Variants in DNAH7 observed in about 807,000 individuals in gnomAD.
DNAH7 encodes dynein axonemal heavy chain 7.
A neutral mutation model predicts 444.6 loss-of-function variants in DNAH7; 397 were observed. That is an observed-to-expected ratio of 0.89 (90% confidence interval 0.82 to 0.97). DNAH7 has a LOEUF of 0.97. Ranked by LOEUF, DNAH7 falls within the 50% of genes least tolerant of loss-of-function variation. The pLI is 0.00. For synonymous variants in DNAH7, 1,636 were observed against 1,624.4 expected, an observed-to-expected ratio of 1.01 and a Z score of -0.17; for missense variants, 4,902 against 4,800.8, an observed-to-expected ratio of 1.02 and a Z score of -0.62.
At chr2:195,822,479 C>T (rs1697518773) in intron 49 of DNAH7, among the ~76,000 whole-genome samples, 1 of 152,164 alleles carries the variant, frequency 6.6e-6, no homozygotes, top group African/African-American at 2.4e-5. Flanking sequence ...GACACCATCC[C>T]TTGGGTGCTT....
chr2:195,941,946 A>T (rs558911432), intron 19 of DNAH7, among the ~76,000 whole-genome samples: 1 of 152,290 alleles, frequency 6.6e-6, no homozygotes, highest in African/African-American at 2.4e-5. Flanking sequence ...TTCAAGCATC[A>T]ATCTCAATTA....
intron 28 of DNAH7, among the ~76,000 whole-genome samples, chr2:195,898,674 C>G (rs1166364757): frequency 6.6e-6 from 1 of 152,198 alleles, no homozygotes. Context: ...GCAGGGGATG[C>G]TGCTGGCTGC....
intron 63 of DNAH7, among the ~76,000 whole-genome samples, chr2:195,750,610 AG>A (rs1286517704): frequency 1.3e-5 from 2 of 152,232 alleles, no homozygotes; most frequent in South Asian, 4.1e-4. Flanking sequence ...GCTAAGCATG[AG>A]AGCCAGATGG....
rs542339256 is a variant in DNAH7, at chr2:195,796,845, A to G, written c.10354-108T>C. Reference sequence around the variant, plus strand: ...CTATATTACAACTTAATTGGGTCACATGTCTCAAAAAGCCAAACACATGCA... The same window carrying G: ...CTATATTACAACTTAATTGGGTCACGTGTCTCAAAAAGCCAAACACATGCA... On this transcript the variant is annotated intron_variant, in intron 55 of 64. Coordinates refer to ENST00000312428, the MANE Select transcript of DNAH7 (RefSeq NM_018897.3). 8.0e-6 allele frequency: 10 copies of G among 1,245,752 alleles called. No homozygotes were observed. The East Asian group carries it at 2.0e-4, about 25-fold the overall frequency. 77.2% of individuals were successfully genotyped at this position (1,245,752 alleles called of 1,614,324 possible). A position where few individuals can be genotyped will look rare whatever the true frequency, so the allele number is the denominator to read the frequency against.
rs1177286421 is a variant in DNAH7 at position 195,857,580 on chromosome 2, G to A, written c.8211C>T (p.Gly2737=). ...GSGKKIEDFW[G]PAKRLLGDMR... Reference sequence around the variant, plus strand: ...TGTCACCAAGAAGTCTCTTAGCTGGGCCCCAGAAATCCTCAATTTTTTTCC... The same window carrying A: ...TGTCACCAAGAAGTCTCTTAGCTGGACCCCAGAAATCCTCAATTTTTTTCC... Residue 2737 remains glycine (G), a synonymous_variant, in exon 44 of 65, where the codon GGC becomes GGT. Transcript: ENST00000312428. 9 of 1,613,764 alleles carry A rather than the reference G, an allele frequency of 5.6e-6. No homozygotes were observed. The East Asian group carries it at 6.7e-5, about 12-fold the overall frequency.
intron 24 of DNAH7, among the ~76,000 whole-genome samples, chr2:195,914,170 ACTGACTTTCCCAT>A (rs1687529383): frequency 6.6e-6 from 1 of 152,176 alleles, no homozygotes; most frequent in South Asian, 2.1e-4. Context: ...TGTTTTTTAA[ACTGACTTTCCCAT>A]CTGACTGAAA....
At chr2:195,776,764 C>T (rs911708869) in intron 59 of DNAH7, among the ~76,000 whole-genome samples, 3 of 152,160 alleles carry the variant, frequency 2.0e-5, no homozygotes, top group Admixed American at 1.3e-4. Flanking sequence ...TATGCATACA[C>T]ACATATTTTA....
chr2:196,051,385 T>G lies in DNAH7; in HGVS notation c.79-136A>C, dbSNP rs1245440698. Reference sequence around the variant, plus strand: ...ATATTCAAAGATAAACTTTACTGCTTTTTAAATTCTCAGGTTTGTCTCAGA... The same window carrying G: ...ATATTCAAAGATAAACTTTACTGCTGTTTAAATTCTCAGGTTTGTCTCAGA... On this transcript the variant is annotated intron_variant, in intron 2 of 64. Transcript: ENST00000312428. 8.6e-6 allele frequency: 6 copies of G among 699,526 alleles called. No individual in the cohort carries two copies. In the Middle Eastern group the frequency reaches 1.2e-3, roughly 139 times the overall value. 43.3% of individuals were successfully genotyped at this position (699,526 alleles called of 1,614,324 possible).
intron 12 of DNAH7, among the ~76,000 whole-genome samples, chr2:195,996,710 G>A (rs978614406): frequency 6.6e-6 from 1 of 152,060 alleles, no homozygotes; most frequent in South Asian, 2.1e-4. Context: ...ACAGGCATGA[G>A]CCACCATGCC....
intron 50 of DNAH7, 29 bp from the exon 51 acceptor site, chr2:195,816,992 A>G (rs776015608): frequency 1.3e-6 from 2 of 1,495,096 alleles, no homozygotes; most frequent in Non-Finnish European, 1.8e-6. Context: ...TTCTTAGAAG[A>G]AAAAGAAGTC....
chr2:196,051,533 T>C (rs1697466964), intron 2 of DNAH7, among the ~76,000 whole-genome samples: 1 of 152,106 alleles, frequency 6.6e-6, no homozygotes, highest in South Asian at 2.1e-4. Flanking sequence ...TCTGGGAGGC[T>C]GAGGTGGGCG....
At chr2:195,744,840 C>G (rs921375583) in intron 63 of DNAH7, among the ~76,000 whole-genome samples, 1 of 152,130 alleles carries the variant, frequency 6.6e-6, no homozygotes, top group African/African-American at 2.4e-5. Flanking sequence ...ACATCCACAC[C>G]AAAAACCCAT....
At chr2:195,965,447 G>C (rs761631667) in intron 17 of DNAH7, among the ~76,000 whole-genome samples, 1 of 152,076 alleles carries the variant, frequency 6.6e-6, no homozygotes. Context: ...ATGTGTCTTT[G>C]TCTAGTTTTG....
chr2:195,930,204 G>A (rs1037561618), intron 21 of DNAH7, among the ~76,000 whole-genome samples: 3 of 152,162 alleles, frequency 2.0e-5, no homozygotes, highest in African/African-American at 7.2e-5. Flanking sequence ...TTAGCTGGGT[G>A]TGGTGGCGCA....
chr2:195,955,660 C>G (rs1017156601), intron 19 of DNAH7, among the ~76,000 whole-genome samples: 1 of 152,106 alleles, frequency 6.6e-6, no homozygotes, highest in Admixed American at 6.6e-5. Flanking sequence ...CACAGCTGCC[C>G]TTTCAAGGAA....
chr2:195,922,647 TCTC>T (rs1284921869), intron 23 of DNAH7, among the ~76,000 whole-genome samples: 1 of 152,022 alleles, frequency 6.6e-6, no homozygotes, highest in Non-Finnish European at 1.5e-5. Context: ...TCTCACTTCT[TCTC>T]TCCTCCCACC....
chr2:195,876,736 A>C (rs1402191898), intron 36 of DNAH7, 37 bp from the exon 37 acceptor site: 1 of 1,427,844 alleles, frequency 7.0e-7, no homozygotes, highest in Non-Finnish European at 9.7e-7. Context: ...CATAGTTGGA[A>C]TTATGTTTTG....
chr2:196,029,786 T>C (rs978088361), intron 5 of DNAH7, among the ~76,000 whole-genome samples: 2 of 152,174 alleles, frequency 1.3e-5, no homozygotes, highest in Non-Finnish European at 2.9e-5. Context: ...AAACGATCAA[T>C]AGAGGAGACA....
chr2:195,912,976 T>A (rs1296623165), intron 24 of DNAH7, among the ~76,000 whole-genome samples: 1 of 152,190 alleles, frequency 6.6e-6, no homozygotes, highest in East Asian at 1.9e-4. Flanking sequence ...GTAAGTGGAC[T>A]TTTATTATTT....
Sources: gnomAD v4.1 joint callset for allele counts (sites outside exome capture counted in the v4.1 genomes callset) on GRCh38, gnomAD v4.1.1 for gene constraint, MANE v1.5 for transcripts, NCBI Gene and HGNC (gene_info 2026-07-23, HGNC 2026-07-21) for gene names.